The following IL37 variants were observed in gnomAD, a reference collection of about 807,000 sequenced individuals.
The protein encoded by IL37 is interleukin-37.
Under a neutral mutation model 15.4 loss-of-function variants are expected in IL37, and 15 were observed. The observed-to-expected ratio is 0.98, with a 90% CI of 0.65 to 1.50. The LOEUF is 1.50. Among genes scored for constraint, IL37 ranks in the 40% most tolerant of loss-of-function variants. IL37 has a pLI of 0.00. For missense variants in IL37, 269 were observed against 261.7 expected, an observed-to-expected ratio of 1.03 and a Z score of -0.19; for synonymous variants, 98 against 97.4, an observed-to-expected ratio of 1.01 and a Z score of -0.03.
At chr2:112,912,900 A>G in intron 1 of IL37, 63 bp from the exon 2 acceptor site, 3 of 715,572 alleles carry the variant, frequency 4.2e-6, no homozygotes, top group Non-Finnish European at 6.9e-6. Context: ...AGCACTAGAG[A>G]CATGCAGCAA....
intron 3 of IL37, among the ~76,000 whole-genome samples, chr2:112,915,699 G>T (rs1195753872): frequency 6.6e-6 from 1 of 152,212 alleles, no homozygotes; most frequent in Non-Finnish European, 1.5e-5. Flanking sequence ...GTAAGGCAGG[G>T]CTGATAACCA....
At chr2:112,912,372 C>G (rs28947187) in intron 1 of IL37, among the ~76,000 whole-genome samples, 1 of 152,100 alleles carries the variant, frequency 6.6e-6, no homozygotes, top group East Asian at 1.9e-4. Flanking sequence ...AGGGATTGAG[C>G]CTCCTGGGAC....
chr2:112,911,786 C>T (rs2708963), intron 1 of IL37, among the ~76,000 whole-genome samples: 14,600 of 152,204 alleles, frequency 0.096, 910 homozygotes, highest in African/African-American at 0.16. Context: ...TGGATACCTA[C>T]GTTTCTGCCA....
rs28947197 is a variant in IL37, at chr2:112,917,878, A to G, written c.408+101A>G. 992 of 1,257,678 alleles carry G rather than the reference A, an allele frequency of 7.9e-4. 4 individuals carry two copies. The African/African-American group carries it at 0.013, about 16-fold the overall frequency. The allele number at this position is 1,257,678 out of a possible 1,614,324, so 77.9% of individuals were successfully genotyped here. ...TTTCCTGCAAATTCTTATCTTGGCC[A>G]ATATAACAGGGACATCCACCTTTCT... On this transcript the variant is annotated intron_variant, in intron 5 of 5. Coordinates refer to ENST00000263326, the MANE Select transcript of IL37 (RefSeq NM_014439.4).
chr2:112,918,587 C>G lies in IL37; in HGVS notation c.435C>G (p.Ala145=), dbSNP rs1167824882. The change falls in exon 6 of 6, where the codon GCC becomes GCG. Residue 145 remains alanine, a synonymous_variant. Coordinates refer to ENST00000263326, the MANE Select transcript of IL37 (RefSeq NM_014439.4). ...LKKEKLMKLA[A]QKESARRPFI... ...AGGAGAAACTGATGAAGCTGGCTGCCCAAAAGGAATCAGCACGCCGGCCCT... is the reference window on the plus strand; with the variant it reads ...AGGAGAAACTGATGAAGCTGGCTGCGCAAAAGGAATCAGCACGCCGGCCCT... 7.4e-6 allele frequency: 12 copies of G among 1,612,284 alleles called. No homozygotes were observed. Among genetic ancestry groups the G allele is most frequent in the African/African-American group, 1.3e-5 (1 of 74,820 alleles).
chr2:112,911,745 T>A (rs1451261512), intron 1 of IL37, among the ~76,000 whole-genome samples: 2 of 152,176 alleles, frequency 1.3e-5, no homozygotes, highest in African/African-American at 4.8e-5. Flanking sequence ...CTTCTGTCCT[T>A]CAGCAGCACC....
At chr2:112,914,876 A>G (rs1471263415) in intron 3 of IL37, among the ~76,000 whole-genome samples, 1 of 152,210 alleles carries the variant, frequency 6.6e-6, no homozygotes, top group Non-Finnish European at 1.5e-5. Flanking sequence ...GCCCCACCAC[A>G]GACCTCCTGC....
chr2:112,917,697 C>A lies in IL37; in HGVS notation c.328C>A (p.Leu110Ile), dbSNP rs751668154. The A allele has an allele frequency of 6.2e-7, 1 of 1,613,134 alleles. No individual in the cohort carries two copies. Among genetic ancestry groups the A allele is most frequent in the African/African-American group, 1.3e-5 (1 of 74,854 alleles). The change falls in exon 5 of 6, where the codon CTC (leucine) becomes ATC (isoleucine). Residue 110 changes from leucine to isoleucine, a missense_variant. Physicochemically the swap from Leu to Ile is conservative, Grantham distance 5. Transcript: ENST00000263326. The part of the protein sequence containing the change: ...SASAEKGSPI[L>I]LGVSKGEFCL... ...CTCTGCGGAGAAAGGAAGTCCGATT[C>A]TCCTGGGGGTCTCTAAAGGGGAGTT...
chr2:112,913,580 G>T (rs902994528), intron 2 of IL37, among the ~76,000 whole-genome samples: 7 of 152,196 alleles, frequency 4.6e-5, no homozygotes, highest in Non-Finnish European at 1.0e-4. Context: ...TGACGGGAGA[G>T]GCCTGTGACA....
At chr2:112,913,426 G>A (rs574440520) in intron 2 of IL37, among the ~76,000 whole-genome samples, 7 of 152,294 alleles carry the variant, frequency 4.6e-5, no homozygotes, top group African/African-American at 1.2e-4. Flanking sequence ...AGAAGCCTCC[G>A]ATGAGAAGCA....
chr2:112,918,486 GA>G, intron 5 of IL37, 74 bp from the exon 6 acceptor site: 1 of 1,505,706 alleles, frequency 6.6e-7, no homozygotes, highest in Non-Finnish European at 9.0e-7. Flanking sequence ...TAAAGGCCTG[GA>G]GGATGAGCAC....
At chr2:112,917,369 G>T in intron 4 of IL37, 121 bp downstream of exon 4, 1 of 1,182,718 alleles carries the variant, frequency 8.5e-7, no homozygotes. Context: ...GAAGCGAGGA[G>T]GAGAGGCCCC....
At chr2:112,917,397 A>G in intron 4 of IL37, 149 bp downstream of exon 4, 1 of 982,966 alleles carries the variant, frequency 1.0e-6, no homozygotes, top group Non-Finnish European at 1.5e-6. Flanking sequence ...AGGGCATCAG[A>G]TGAAGGGTCT....
chr2:112,917,018 A>G (rs1201782869), intron 3 of IL37, 111 bp from the exon 4 acceptor site: 1 of 1,213,286 alleles, frequency 8.2e-7, no homozygotes, highest in Non-Finnish European at 1.2e-6. Context: ...GTGATGTCTG[A>G]GCCCACAGGC....
At chr2:112,917,074 G>A in intron 3 of IL37, 55 bp from the exon 4 acceptor site, 2 of 1,601,130 alleles carry the variant, frequency 1.2e-6, no homozygotes, top group Non-Finnish European at 8.5e-7. Context: ...GGGAAGAAAG[G>A]GCTGAGTCTT....
intron 3 of IL37, chr2:112,915,179 G>A (rs761981719): frequency 6.2e-7 from 1 of 1,613,102 alleles, no homozygotes; most frequent in Non-Finnish European, 8.5e-7. Flanking sequence ...CTGCATGTGA[G>A]ACGCTGAGAT....
chr2:112,913,831 C>T lies in IL37; in HGVS notation c.122C>T (p.Pro41Leu). ...GSPLEPGPSL[P>L]TMNFVHTSPK... ...CCCCTGGAACCAGGCCCAAGCCTCC[C>T]CACCATGAATTTTGTTCACACAAGT... The change falls in exon 3 of 6, where the codon CCC becomes CTC. Residue 41 changes from proline (P) to leucine (L), a missense_variant. Physicochemically the swap from Pro to Leu is moderately conservative, Grantham distance 98. Coordinates refer to ENST00000263326, the MANE Select transcript of IL37 (RefSeq NM_014439.4). 6.2e-7 allele frequency: 1 copy of T among 1,613,820 alleles called. No homozygotes were observed. Among genetic ancestry groups the T allele is most frequent in the Non-Finnish European group, 8.5e-7 (1 of 1,179,708 alleles).
rs1194093289 is a variant in IL37 at position 112,917,239 on chromosome 2, A to T, written c.256A>T (p.Ile86Leu). The T allele has an allele frequency of 6.2e-7, 1 of 1,613,862 alleles. No homozygotes were observed. The highest frequency in any genetic ancestry group is 8.5e-7 in the Non-Finnish European group (1 of 1,179,944). The change falls in exon 4 of 6, where the codon ATA becomes TTA. Residue 86 changes from isoleucine to leucine, a missense_variant. Ile to Leu is a conservative substitution (Grantham distance 5). Transcript: ENST00000263326. Reference sequence around the variant, plus strand: ...CATAGCAGTTCCAGATAAAAACTACATACGCCCAGGTGACTCTCAGTTTTG... The same window carrying T: ...CATAGCAGTTCCAGATAAAAACTACTTACGCCCAGGTGACTCTCAGTTTTG... ...NLIAVPDKNY[I>L]RPEIFFALAS... is the part of the protein sequence containing the mutation.
At chr2:112,917,596 C>T in intron 4 of IL37, 39 bp from the exon 5 acceptor site, 2 of 1,526,982 alleles carry the variant, frequency 1.3e-6, no homozygotes, top group Non-Finnish European at 1.8e-6. Flanking sequence ...CCTTTCCCTG[C>T]TCTCAGAACC....
Sources: allele counts gnomAD v4.1 joint callset (sites outside exome capture counted in the v4.1 genomes callset), GRCh38; gene constraint gnomAD v4.1.1; transcripts MANE v1.5; gene names NCBI Gene and HGNC (gene_info 2026-07-23, HGNC 2026-07-21).